PITPNC1: variants seen among roughly 807,000 people sequenced by gnomAD.
The protein encoded by PITPNC1 is phosphatidylinositol transfer protein cytoplasmic 1, also known as cytoplasmic phosphatidylinositol transfer protein 1.
In PITPNC1, 18 loss-of-function variants were observed where a neutral mutation model predicts 44.7. The ratio of observed to expected loss-of-function variants is 0.40; its 90% CI spans 0.28 to 0.60. The LOEUF is 0.60. Among genes scored for constraint, PITPNC1 ranks in the 20% least tolerant of loss-of-function variants. The probability of loss-of-function intolerance (pLI) is 0.39; values close to 1 mark genes in which losing one functional copy is unlikely to be tolerated. For synonymous variants in PITPNC1, 141 were observed against 149.6 expected, an observed-to-expected ratio of 0.94 and a Z score of 0.42; for missense variants, 290 against 418.4, an observed-to-expected ratio of 0.69 and a Z score of 2.68.
intron 1 of PITPNC1, among the ~76,000 whole-genome samples, chr17:67,431,714 T>G (rs2038860064): frequency 6.6e-6 from 1 of 152,188 alleles, no homozygotes; most frequent in African/African-American, 2.4e-5. Flanking sequence ...TCACCACAGC[T>G]TATCTTCGAG....
intron 6 of PITPNC1, among the ~76,000 whole-genome samples, chr17:67,658,333 A>C (rs2042297269): frequency 6.6e-6 from 1 of 152,000 alleles, no homozygotes; most frequent in Non-Finnish European, 1.5e-5. Flanking sequence ...ACTCTTTCCT[A>C]ATTGGTTATC....
intron 5 of PITPNC1, among the ~76,000 whole-genome samples, chr17:67,615,716 T>C (rs1198525282): frequency 6.6e-6 from 1 of 152,200 alleles, no homozygotes; most frequent in Non-Finnish European, 1.5e-5. Flanking sequence ...CCAGCAGTTC[T>C]AGTTCCCAGA....
intron 5 of PITPNC1, among the ~76,000 whole-genome samples, chr17:67,625,000 A>G (rs1245282656): frequency 1.3e-5 from 2 of 152,212 alleles, no homozygotes; most frequent in African/African-American, 2.4e-5. Flanking sequence ...TGCCTTCCCC[A>G]TGTAGCATTT....
intron 2 of PITPNC1, among the ~76,000 whole-genome samples, chr17:67,548,372 CTT>C (rs1275692326): frequency 6.6e-6 from 1 of 152,188 alleles, no homozygotes; most frequent in Non-Finnish European, 1.5e-5. Flanking sequence ...GGGTGGATCA[CTT>C]GAGGTCAAGA....
chr17:67,458,972 T>C (rs956970374), intron 1 of PITPNC1, among the ~76,000 whole-genome samples: 2 of 152,120 alleles, frequency 1.3e-5, no homozygotes, highest in African/African-American at 4.8e-5. Flanking sequence ...GAGAGGTTTT[T>C]TTCACTTAGA....
rs1012065194 is a variant in PITPNC1, at chr17:67,538,420, C to T, written c.197+5470C>T. 6.8e-4 allele frequency among the ~76,000 whole-genome samples: 104 copies of T among 152,000 alleles called. 7 individuals carry two copies. Among genetic ancestry groups the T allele is most frequent in the Admixed American group, 6.6e-5 (1 of 15,250 alleles). The stretch of plus-strand genomic sequence containing the variant: ...TTCAAGACCAGACTGGGCAACCTGA[C>T]GAAACCGCATCTCCACAAAAAATAC... On this transcript the variant is annotated intron_variant, in intron 2 of 8. Transcript: ENST00000581322.
chr17:67,462,851 G>C (rs929893412), intron 1 of PITPNC1, among the ~76,000 whole-genome samples: 2 of 152,164 alleles, frequency 1.3e-5, no homozygotes, highest in African/African-American at 2.4e-5. Flanking sequence ...TACAGGCATG[G>C]GCCGCTACGC....
intron 1 of PITPNC1, among the ~76,000 whole-genome samples, chr17:67,411,824 C>T (rs187795654): frequency 1.6e-3 from 247 of 152,164 alleles, no homozygotes; most frequent in African/African-American, 5.8e-3. Context: ...GTTTAATCTA[C>T]ACAACAATCC....
At position 67,511,413 on chromosome 17, in the gene PITPNC1, C is replaced by T. The variant is rs1162977559; in HGVS notation, c.49-21389C>T. 9.9e-5 allele frequency among the ~76,000 whole-genome samples: 15 copies of T among 152,226 alleles called. No individual in the cohort carries two copies. In the East Asian group the frequency reaches 1.9e-3, roughly 20 times the overall value. On this transcript the variant is annotated intron_variant, in intron 1 of 8. Transcript: ENST00000581322. ...TAAGAACATCTTTAATTTTAATAGA[C>T]GTTGCCAAATCATCTTCCTAAAGGA...
At chr17:67,619,357 C>A (rs8075076) in intron 5 of PITPNC1, among the ~76,000 whole-genome samples, 138,921 of 152,176 alleles carry the variant, frequency 0.91, 63,936 homozygotes, top group Middle Eastern at 0.97. Flanking sequence ...TTCAGTGACT[C>A]GGAAAAGAAT....
intron 1 of PITPNC1, among the ~76,000 whole-genome samples, chr17:67,514,740 C>T (rs755180879): frequency 1.3e-5 from 2 of 151,992 alleles, no homozygotes; most frequent in African/African-American, 4.8e-5. Context: ...GCACGAGAAT[C>T]GCTTGAACCT....
At position 67,625,974 on chromosome 17, in the gene PITPNC1, G is replaced by T. The variant is rs201604074; in HGVS notation, c.367-6169G>T. Among the ~76,000 whole-genome samples the T allele has an allele frequency of 2.7e-3, 354 of 133,522 alleles. 2 individuals are homozygous for T. The highest frequency in any genetic ancestry group is 7.7e-4 in the Non-Finnish European group (47 of 61,128). The allele number at this position is 133,522 out of a possible 152,430, so 87.6% of individuals were successfully genotyped here. A position where few individuals can be genotyped will look rare whatever the true frequency, so the allele number is the denominator to read the frequency against. ...ATCTAGACTAAGTTGTGGTTTGTTT[G>T]TTGTTTTTTTTTTTGGTTTTGGTTT... is the stretch of plus-strand genomic sequence containing the variant. On this transcript the variant is annotated intron_variant, in intron 5 of 8. Coordinates refer to ENST00000581322, the MANE Select transcript of PITPNC1 (RefSeq NM_012417.4).
intron 6 of PITPNC1, among the ~76,000 whole-genome samples, chr17:67,667,387 G>C (rs1567768120): frequency 6.6e-6 from 1 of 151,320 alleles, no homozygotes; most frequent in Non-Finnish European, 1.5e-5. Flanking sequence ...AAATTAGCCA[G>C]GCATGGTAGT....
At chr17:67,661,641 G>A (rs2042348889) in intron 6 of PITPNC1, among the ~76,000 whole-genome samples, 1 of 152,196 alleles carries the variant, frequency 6.6e-6, no homozygotes, top group African/African-American at 2.4e-5. Flanking sequence ...AAGGTGGAAG[G>A]CAGTGCAGTA....
intron 1 of PITPNC1, among the ~76,000 whole-genome samples, chr17:67,392,141 A>T (rs1029023856): frequency 6.6e-6 from 1 of 152,246 alleles, no homozygotes; most frequent in Non-Finnish European, 1.5e-5. Flanking sequence ...TTAGTATCTG[A>T]AAATGATGGG....
intron 1 of PITPNC1, among the ~76,000 whole-genome samples, chr17:67,395,162 G>C (rs2038198298): frequency 1.3e-5 from 2 of 151,348 alleles, no homozygotes; most frequent in Admixed American, 1.3e-4. Context: ...TATCTGGACA[G>C]GTTTTTTCTT....
intron 5 of PITPNC1, among the ~76,000 whole-genome samples, chr17:67,591,127 C>A (rs1254869890): frequency 6.6e-6 from 1 of 151,904 alleles, no homozygotes; most frequent in Admixed American, 6.6e-5. Context: ...CAAAAACAAA[C>A]AAACAAACAA....
chr17:67,466,879 C>T (rs988292365), intron 1 of PITPNC1, among the ~76,000 whole-genome samples: 2 of 152,016 alleles, frequency 1.3e-5, no homozygotes, highest in Non-Finnish European at 2.9e-5. Context: ...TTTCTTCCCC[C>T]CCAAATCCAG....
At chr17:67,539,247 G>C (rs1035360707) in intron 2 of PITPNC1, among the ~76,000 whole-genome samples, 1 of 152,174 alleles carries the variant, frequency 6.6e-6, no homozygotes, top group African/African-American at 2.4e-5. Context: ...TCTTTAGAGA[G>C]CAATGGACAG....
Sources: gnomAD v4.1 joint callset for allele counts (sites outside exome capture counted in the v4.1 genomes callset) on GRCh38, gnomAD v4.1.1 for gene constraint, MANE v1.5 for transcripts, NCBI Gene and HGNC (gene_info 2026-07-23, HGNC 2026-07-21) for gene names.